Variants in ZCCHC24 observed in about 807,000 individuals in gnomAD.
The protein encoded by ZCCHC24 is zinc finger CCHC-type containing 24, also known as zinc finger CCHC domain-containing protein 24.
Under a neutral mutation model 26.2 loss-of-function variants are expected in ZCCHC24, and 10 were observed. The ratio of observed to expected loss-of-function variants is 0.38; its 90% CI spans 0.24 to 0.65. The LOEUF (loss-of-function observed/expected upper bound fraction) is 0.65. ZCCHC24 is among the 30% of genes least tolerant of loss of function. The pLI, the probability that ZCCHC24 is intolerant of heterozygous loss-of-function variation, is 0.54. For missense variants in ZCCHC24, 243 were observed against 329.1 expected (o/e 0.74, Z 2.03); for synonymous variants, 144 against 147.1 (o/e 0.98, Z 0.15).
At chr10:79,444,139 TG>T in intron 1 of ZCCHC24, 1 of 1,545,902 alleles carries the variant, frequency 6.5e-7, no homozygotes, top group African/African-American at 1.4e-5. Flanking sequence ...GACCCCCATG[TG>T]TGTCCTCCCC....
chr10:79,431,338 C>T (rs1182976408), intron 2 of ZCCHC24, among the ~76,000 whole-genome samples: 2 of 152,202 alleles, frequency 1.3e-5, no homozygotes, highest in Non-Finnish European at 2.9e-5. Context: ...GAGCCAATAG[C>T]CTCCTGCTTA....
intron 2 of ZCCHC24, among the ~76,000 whole-genome samples, chr10:79,415,831 C>A (rs1856852058): frequency 6.6e-6 from 1 of 152,182 alleles, no homozygotes; most frequent in Admixed American, 6.5e-5. Flanking sequence ...GCATTTTCTC[C>A]AACGAGATGG....
At chr10:79,395,980 C>T (rs4980071) in intron 2 of ZCCHC24, among the ~76,000 whole-genome samples, 69,008 of 152,052 alleles carry the variant, frequency 0.45, 18,131 homozygotes, top group East Asian at 0.77. Context: ...GCCCTATACC[C>T]AGTAATAGTC....
At chr10:79,421,008 A>AGGT (rs1315404336) in intron 2 of ZCCHC24, among the ~76,000 whole-genome samples, 2 of 152,184 alleles carry the variant, frequency 1.3e-5, no homozygotes, top group Admixed American at 6.5e-5. Context: ...TGCTGCTACA[A>AGGT]GGCGGCGCCA....
intron 2 of ZCCHC24, among the ~76,000 whole-genome samples, chr10:79,428,028 T>C (rs1293805709): frequency 1.3e-5 from 2 of 152,198 alleles, no homozygotes; most frequent in South Asian, 2.1e-4. Context: ...ATAATAAATA[T>C]TGAAGTGGAG....
At chr10:79,432,476 C>G in intron 2 of ZCCHC24, 82 bp downstream of exon 2, 1 of 1,443,514 alleles carries the variant, frequency 6.9e-7, no homozygotes, top group South Asian at 1.3e-5. Flanking sequence ...GGGGACACTG[C>G]TTCGCCTGCC....
chr10:79,414,600 A>C (rs1856835903), intron 2 of ZCCHC24, among the ~76,000 whole-genome samples: 1 of 152,142 alleles, frequency 6.6e-6, no homozygotes, highest in African/African-American at 2.4e-5. Flanking sequence ...GAACCTTGTA[A>C]TCTTGCATTC....
chr10:79,408,841 G>A (rs1856754370), intron 2 of ZCCHC24, among the ~76,000 whole-genome samples: 1 of 152,214 alleles, frequency 6.6e-6, no homozygotes, highest in African/African-American at 2.4e-5. Flanking sequence ...ACTGCCACCA[G>A]CAAGCTCTGT....
intron 1 of ZCCHC24, among the ~76,000 whole-genome samples, chr10:79,441,212 A>G (rs1857288100): frequency 6.6e-6 from 1 of 152,274 alleles, no homozygotes; most frequent in East Asian, 1.9e-4. Context: ...TTTGTTCCAC[A>G]CATCCACACT....
chr10:79,401,623 G>C lies in ZCCHC24; in HGVS notation c.448-7183C>G, dbSNP rs187812270. ...TCTCATGGGTCCTGGCATGCTGGGG[G>C]CATCCCTCCCCATCTCTGGGCCTCA... On this transcript the variant is annotated intron_variant, in intron 2 of 3. Transcript: ENST00000372336. 2.4e-3 allele frequency among the ~76,000 whole-genome samples: 369 copies of C among 152,334 alleles called. 1 individual carries two copies. The highest frequency in any genetic ancestry group is 8.3e-3 in the African/African-American group (345 of 41,590).
At chr10:79,413,675 T>G (rs1017043943) in intron 2 of ZCCHC24, among the ~76,000 whole-genome samples, 3 of 152,144 alleles carry the variant, frequency 2.0e-5, no homozygotes, top group African/African-American at 7.2e-5. Flanking sequence ...GGCCCTGGGT[T>G]TGGATGCCAG....
At chr10:79,428,254 C>T (rs1857061589) in intron 2 of ZCCHC24, among the ~76,000 whole-genome samples, 1 of 152,190 alleles carries the variant, frequency 6.6e-6, no homozygotes, top group South Asian at 2.1e-4. Context: ...GCTAAGTGAA[C>T]TGAGCCAATC....
intron 2 of ZCCHC24, among the ~76,000 whole-genome samples, chr10:79,430,776 G>A (rs1228324328): frequency 6.6e-6 from 1 of 151,830 alleles, no homozygotes; most frequent in Non-Finnish European, 1.5e-5. Flanking sequence ...CACCCTGGGG[G>A]AGGCCCTGCC....
chr10:79,432,444 A>G, intron 2 of ZCCHC24, 114 bp downstream of exon 2: 11 of 843,520 alleles, frequency 1.3e-5, no homozygotes, highest in South Asian at 3.7e-5. Context: ...CCACGGGGCC[A>G]CTCATTGGTG....
chr10:79,430,744 T>A (rs1388606834), intron 2 of ZCCHC24, among the ~76,000 whole-genome samples: 1 of 147,406 alleles, frequency 6.8e-6, no homozygotes, highest in East Asian at 2.1e-4. Flanking sequence ...CTGGCTCACA[T>A]CCATTGCCTT....
chr10:79,419,083 G>A (rs146722439), intron 2 of ZCCHC24, among the ~76,000 whole-genome samples: 1 of 152,342 alleles, frequency 6.6e-6, no homozygotes, highest in African/African-American at 2.4e-5. Flanking sequence ...TTAAGCAGCT[G>A]CAGGGGTGGG....
At chr10:79,430,686 C>CACACACACACATA (rs370025190) in intron 2 of ZCCHC24, among the ~76,000 whole-genome samples, 1 of 140,620 alleles carries the variant, frequency 7.1e-6, no homozygotes, top group African/African-American at 2.7e-5. Flanking sequence ...CACACACACA[C>CACACACACACATA]CACACACACA....
At chr10:79,419,004 GCCCAA>G (rs1395309033) in intron 2 of ZCCHC24, among the ~76,000 whole-genome samples, 1 of 152,226 alleles carries the variant, frequency 6.6e-6, no homozygotes, top group Non-Finnish European at 1.5e-5. Context: ...AGGCTGAGAA[GCCCAA>G]GGGGTGTGTG....
chr10:79,444,474 C>T (rs966098525), intron 1 of ZCCHC24, among the ~76,000 whole-genome samples: 1 of 152,110 alleles, frequency 6.6e-6, no homozygotes. Context: ...GAACCTCTCC[C>T]CCCCCCTTTC....
Sources: gnomAD v4.1 joint callset for allele counts (sites outside exome capture counted in the v4.1 genomes callset) on GRCh38, gnomAD v4.1.1 for gene constraint, MANE v1.5 for transcripts, NCBI Gene and HGNC (gene_info 2026-07-23, HGNC 2026-07-21) for gene names.